Variants in LHX2 observed in about 807,000 individuals in gnomAD.
LHX2 encodes LIM homeobox 2.
LHX2 carries 6 observed loss-of-function variants against 33.0 expected under a neutral mutation model. That is an observed-to-expected ratio of 0.18 (90% CI 0.10 to 0.36). The LOEUF (loss-of-function observed/expected upper bound fraction) is 0.36. Ranked by LOEUF, LHX2 falls within the 10% of genes least tolerant of loss-of-function variation. The pLI is 1.00. For missense variants in LHX2, 442 were observed against 586.2 expected (o/e 0.75, Z 2.54); for synonymous variants, 292 against 253.1 (o/e 1.15, Z -1.46).
At chr9:124,029,025 T>A (rs1828672117) in intron 4 of LHX2, among the ~76,000 whole-genome samples, 1 of 152,042 alleles carries the variant, frequency 6.6e-6, no homozygotes, top group Admixed American at 6.6e-5. Flanking sequence ...CAGGAGAGAA[T>A]CACTTGAACC....
Position 124,033,174 on chromosome 9 carries a change from A to G in LHX2, c.*467A>G, listed in dbSNP as rs1371629493. On this transcript the variant is annotated 3_prime_UTR_variant, in exon 5 of 5. Transcript: ENST00000373615. ...AATAGTCCTAAAAAGAAAAAAAGAA[A>G]AAAAAAAAAGGAAAAATCAAACCCC... The G allele has an allele frequency of 6.5e-6, 1 of 152,818 alleles. No individual in the cohort carries two copies. Among genetic ancestry groups the G allele is most frequent in the Non-Finnish European group, 1.5e-5 (1 of 68,358 alleles). The allele number at this position is 152,818 out of a possible 1,614,324, so 9.5% of individuals were successfully genotyped here.
rs1859171223 is a variant in LHX2, at chr9:124,015,454, C to T, written c.656C>T (p.Thr219Ile). Residue 219 changes from threonine to isoleucine, a missense_variant, in exon 3 of 5, where the codon ACT becomes ATT. This residue lies in a region of LHX2 where 132 missense variants were observed against 139.1 expected (regional missense o/e 0.95). Coordinates refer to ENST00000373615, the MANE Select transcript of LHX2 (RefSeq NM_004789.4). This position sits in a 1 kb window ranked among gnomAD's most constrained non-coding sequence, Gnocchi z 7.9. ...LGLPYYNGVG[T>I]VQKGRPRKRK... ...CTTCCCTACTACAATGGCGTGGGCA[C>T]TGTGCAGAAGGGGCGGCCGAGGAAA... 3 of 1,559,782 alleles carry T rather than the reference C, an allele frequency of 1.9e-6. No homozygotes were observed. The highest frequency in any genetic ancestry group is 3.9e-5 in the Admixed American group (2 of 51,440).
intron 4 of LHX2, among the ~76,000 whole-genome samples, chr9:124,023,655 A>G (rs920804283): frequency 6.6e-6 from 1 of 152,222 alleles, no homozygotes; most frequent in African/African-American, 2.4e-5. Context: ...TCCAGTGAGG[A>G]GCCAGTCTCT....
At chr9:124,026,701 C>T (rs936579017) in intron 4 of LHX2, among the ~76,000 whole-genome samples, 12 of 152,202 alleles carry the variant, frequency 7.9e-5, no homozygotes, top group African/African-American at 2.9e-4. Flanking sequence ...AGAGACTCAA[C>T]TTTGTCTAAT....
rs1483102341 is a variant in LHX2 at position 124,016,204 on chromosome 9, G to C, written c.727+679G>C. ...GAGCCCCCCGGGCGGGGACGAGACCGGAGCAGGCCTGGCCTCGCGCCGGGG... is the reference window on the plus strand; with the variant it reads ...GAGCCCCCCGGGCGGGGACGAGACCCGAGCAGGCCTGGCCTCGCGCCGGGG... On this transcript the variant is annotated intron_variant, in intron 3 of 4. Transcript: ENST00000373615. This position sits in a 1 kb window ranked among gnomAD's most constrained non-coding sequence, Gnocchi z 4.4. Among the ~76,000 whole-genome samples the C allele has an allele frequency of 2.0e-5, 3 of 151,902 alleles. No homozygotes were observed. The highest frequency in any genetic ancestry group is 7.3e-5 in the African/African-American group (3 of 41,354).
At chr9:124,027,267 C>T (rs1828638954) in intron 4 of LHX2, among the ~76,000 whole-genome samples, 1 of 152,082 alleles carries the variant, frequency 6.6e-6, no homozygotes. Context: ...AAAACAACAA[C>T]AGCAAAACAA....
chr9:124,032,704 C>A lies in LHX2; in HGVS notation c.1218C>A (p.Phe406Leu). The A allele has an allele frequency of 6.3e-7, 1 of 1,577,160 alleles. No individual in the cohort carries two copies. Among genetic ancestry groups the A allele is most frequent in the South Asian group, 1.1e-5 (1 of 88,272 alleles). The change falls in exon 5 of 5, where the codon TTC becomes TTA. Residue 406 changes from phenylalanine to leucine, a missense_variant. Transcript: ENST00000373615. The surrounding 1 kb of genome is among the most constrained non-coding windows in gnomAD (Gnocchi z 4.1). The stretch of plus-strand genomic sequence containing the variant: ...CACAAACGACTCTTACCAACCTTTT[C>A]TAATGACTCGCAACCCCTCACCCCA... ...SPSQTTLTNL[F>L]
chr9:124,014,406 C>T lies in LHX2; in HGVS notation c.323+243C>T, dbSNP rs1354547014. On this transcript the variant is annotated intron_variant, in intron 2 of 4. Transcript: ENST00000373615. This position sits in a 1 kb window ranked among gnomAD's most constrained non-coding sequence, Gnocchi z 4.8. ...AACCAGAAAAAAAGCAGAAGCTGCC[C>T]TCCTGCTCGGAGCTTAGACCACAAA... is the stretch of plus-strand genomic sequence containing the variant. Among the ~76,000 whole-genome samples the T allele has an allele frequency of 6.6e-6, 1 of 152,072 alleles. No homozygotes were observed. The highest frequency in any genetic ancestry group is 1.5e-5 in the Non-Finnish European group (1 of 68,024).
rs565220739 is a variant in LHX2 at position 124,033,171 on chromosome 9, GAA to G, written c.*475_*476del. Reference sequence around the variant, plus strand: ...TTGAATAGTCCTAAAAAGAAAAAAAGAAAAAAAAAAAAGGAAAAATCAAACCC... The same window carrying G: ...TTGAATAGTCCTAAAAAGAAAAAAAGAAAAAAAAAAGGAAAAATCAAACCC... On this transcript the variant is annotated 3_prime_UTR_variant, in exon 5 of 5. Transcript: ENST00000373615. 2 of 133,650 alleles carry G rather than the reference GAA, an allele frequency of 1.5e-5. No homozygotes were observed. Among genetic ancestry groups the G allele is most frequent in the Non-Finnish European group, 3.3e-5 (2 of 61,354 alleles). 8.3% of individuals were successfully genotyped at this position (133,650 alleles called of 1,614,324 possible).
chr9:124,013,968 C>A lies in LHX2; in HGVS notation c.128C>A (p.Pro43Gln). ...IDRGDTETTM[P>Q]SISSDRAALC... The stretch of plus-strand genomic sequence containing the variant: ...GCCTCCCTCCCTTCGCAGACCATGC[C>A]GTCCATCAGCAGTGACCGCGCCGCG... Residue 43 changes from proline to glutamine, a missense_variant, in exon 2 of 5, where the codon CCG (proline) becomes CAG (glutamine). This residue lies in a region of LHX2 where 97 missense variants were observed against 81.5 expected (regional missense o/e 1.19). Coordinates refer to ENST00000373615, the MANE Select transcript of LHX2 (RefSeq NM_004789.4). The A allele has an allele frequency of 6.2e-7, 1 of 1,612,356 alleles. No homozygotes were observed. The highest frequency in any genetic ancestry group is 1.1e-5 in the South Asian group (1 of 91,046).
chr9:124,024,644 C>T (rs1398445254), intron 4 of LHX2, among the ~76,000 whole-genome samples: 2 of 152,058 alleles, frequency 1.3e-5, no homozygotes, highest in Non-Finnish European at 2.9e-5. Flanking sequence ...GAGTCAGGAC[C>T]CAGGCATGCT....
In LHX2 at chr9:124,014,198, T is replaced by C. The variant is rs1588344933; in HGVS notation, c.323+35T>C. ...CCACCCAACTGCCCCTCAGGACCCC[T>C]CCCCCCAATCTCAGGCACAGTCTTA... On this transcript the variant is annotated intron_variant, in intron 2 of 4. Transcript: ENST00000373615. The surrounding 1 kb of genome is among the most constrained non-coding windows in gnomAD (Gnocchi z 4.8). 1 of 1,288,014 alleles carries C rather than the reference T, an allele frequency of 7.8e-7. No individual in the cohort carries two copies. Among genetic ancestry groups the C allele is most frequent in the Non-Finnish European group, 1.1e-6 (1 of 949,718 alleles). 79.8% of individuals were successfully genotyped at this position (1,288,014 alleles called of 1,614,324 possible). A position where few individuals can be genotyped will look rare whatever the true frequency, so the allele number is the denominator to read the frequency against.
intron 4 of LHX2, among the ~76,000 whole-genome samples, chr9:124,022,856 G>A (rs1859316603): frequency 6.6e-6 from 1 of 152,230 alleles, no homozygotes; most frequent in Non-Finnish European, 1.5e-5. Context: ...ACGGGGAGCG[G>A]GCGAGGGGCT....
At chr9:124,017,412 C>A (rs1859210773) in intron 3 of LHX2, among the ~76,000 whole-genome samples, 1 of 152,216 alleles carries the variant, frequency 6.6e-6, no homozygotes, top group African/African-American at 2.4e-5. Context: ...CCTCTCGGGG[C>A]CCAGCCCAGT....
chr9:124,017,740 G>A (rs973495583), intron 3 of LHX2, among the ~76,000 whole-genome samples: 2 of 151,994 alleles, frequency 1.3e-5, no homozygotes, highest in Non-Finnish European at 2.9e-5. Context: ...GGCCGAGTGG[G>A]GAGGGGGCGC....
At position 124,015,543 on chromosome 9, in the gene LHX2, G is replaced by A. The variant is rs780995200; in HGVS notation, c.727+18G>A. On this transcript the variant is annotated intron_variant, in intron 3 of 4. Coordinates refer to ENST00000373615, the MANE Select transcript of LHX2 (RefSeq NM_004789.4). This position sits in a 1 kb window ranked among gnomAD's most constrained non-coding sequence, Gnocchi z 7.9. ...CAACGCTGGTGAGTGCGCGGCGCAC[G>A]AAGCGCCCCCATAGGGTTGGGGGAA... 2 of 1,452,300 alleles carry A rather than the reference G, an allele frequency of 1.4e-6. No individual in the cohort carries two copies. The highest frequency in any genetic ancestry group is 1.8e-6 in the Non-Finnish European group (2 of 1,101,100). 90.0% of individuals were successfully genotyped at this position (1,452,300 alleles called of 1,614,324 possible).
chr9:124,030,885 G>A (rs545987202), intron 4 of LHX2, among the ~76,000 whole-genome samples: 5 of 152,014 alleles, frequency 3.3e-5, no homozygotes, highest in East Asian at 1.9e-4. Flanking sequence ...CACCTGCCTC[G>A]GCCTCCCAAA....
In LHX2 at chr9:124,012,545, T is replaced by A; in HGVS notation, c.120+77T>A. ...AGTCAGCGCCTCTGCTCCCCGAAGTTTGGGGAGCGTCCTTCGTGCCGCACG... is the reference window on the plus strand; with the variant it reads ...AGTCAGCGCCTCTGCTCCCCGAAGTATGGGGAGCGTCCTTCGTGCCGCACG... On this transcript the variant is annotated intron_variant, in intron 1 of 4. Coordinates refer to ENST00000373615, the MANE Select transcript of LHX2 (RefSeq NM_004789.4). The surrounding 1 kb of genome is among the most constrained non-coding windows in gnomAD (Gnocchi z 4.3). 1 of 1,379,962 alleles carries A rather than the reference T, an allele frequency of 7.2e-7. No individual in the cohort carries two copies. The highest frequency in any genetic ancestry group is 9.4e-7 in the Non-Finnish European group (1 of 1,061,940). The allele number at this position is 1,379,962 out of a possible 1,614,324, so 85.5% of individuals were successfully genotyped here. A position where few individuals can be genotyped will look rare whatever the true frequency, so the allele number is the denominator to read the frequency against.
At chr9:124,023,728 G>A (rs1828557602) in intron 4 of LHX2, among the ~76,000 whole-genome samples, 1 of 152,176 alleles carries the variant, frequency 6.6e-6, no homozygotes, top group South Asian at 2.1e-4. Context: ...ATTTCCAGGA[G>A]AGTTACCTCT....
Sources: gnomAD v4.1 joint callset for allele counts (sites outside exome capture counted in the v4.1 genomes callset) on GRCh38, gnomAD v4.1.1 for gene constraint, gnomAD v4.1.1 regional missense constraint, Gnocchi (gnomAD v3.1) non-coding constraint, MANE v1.5 for transcripts, NCBI Gene and HGNC (gene_info 2026-07-23, HGNC 2026-07-21) for gene names.